The following ZNF385B variants were observed in gnomAD, a reference collection of about 807,000 sequenced individuals.
The protein encoded by ZNF385B is zinc finger protein 385B.
ZNF385B carries 23 observed loss-of-function variants against 39.2 expected under a neutral mutation model. The ratio of observed to expected loss-of-function variants is 0.59; its 90% CI spans 0.42 to 0.83. ZNF385B has a LOEUF of 0.83. Among genes scored for constraint, ZNF385B ranks in the 40% least tolerant of loss-of-function variants. The pLI, the probability that ZNF385B is intolerant of heterozygous loss-of-function variation, is 0.00. For missense variants in ZNF385B, 552 were observed against 598.9 expected, an observed-to-expected ratio of 0.92 and a Z score of 0.82; for synonymous variants, 205 against 222.6, an observed-to-expected ratio of 0.92 and a Z score of 0.70.
At chr2:179,577,568 T>C (rs1284842376) in intron 3 of ZNF385B, among the ~76,000 whole-genome samples, 6 of 152,234 alleles carry the variant, frequency 3.9e-5, no homozygotes, top group Non-Finnish European at 7.4e-5. Context: ...TAAGTGGACC[T>C]ATGCTCCTTT....
intron 1 of ZNF385B, among the ~76,000 whole-genome samples, chr2:179,791,566 C>T (rs1291180791): frequency 2.0e-5 from 3 of 152,114 alleles, no homozygotes; most frequent in African/African-American, 4.8e-5. Flanking sequence ...GCTAGTGAGG[C>T]AGGTGAGGCG....
chr2:179,631,406 T>C (rs1410148465), intron 3 of ZNF385B, among the ~76,000 whole-genome samples: 1 of 152,176 alleles, frequency 6.6e-6, no homozygotes, highest in African/African-American at 2.4e-5. Flanking sequence ...CAGAATTTCA[T>C]ATCCAGCCAA....
chr2:179,783,057 G>A (rs916370509), intron 1 of ZNF385B, among the ~76,000 whole-genome samples: 1 of 152,138 alleles, frequency 6.6e-6, no homozygotes, highest in African/African-American at 2.4e-5. Flanking sequence ...AAAGCTGGAA[G>A]CATCACATTA....
At chr2:179,459,218 G>A (rs904188868) in intron 6 of ZNF385B, among the ~76,000 whole-genome samples, 1 of 152,048 alleles carries the variant, frequency 6.6e-6, no homozygotes, top group Non-Finnish European at 1.5e-5. Context: ...TTTTGTTTTT[G>A]ATAATGTATG....
chr2:179,630,079 G>T (rs904519413), intron 3 of ZNF385B, among the ~76,000 whole-genome samples: 1 of 152,372 alleles, frequency 6.6e-6, no homozygotes, highest in East Asian at 1.9e-4. Context: ...CTGCCTCTGC[G>T]GGCAGGGCAT....
In ZNF385B at chr2:179,861,200, C is replaced by A. The variant is rs1685037151; in HGVS notation, c.-254G>T. 6.6e-6 allele frequency: 1 copy of A among 152,608 alleles called. No homozygotes were observed. Among genetic ancestry groups the A allele is most frequent in the South Asian group, 1.9e-4 (1 of 5,252 alleles). The allele number at this position is 152,608 out of a possible 1,614,324, so 9.5% of individuals were successfully genotyped here. On this transcript the variant is annotated 5_prime_UTR_variant, in exon 1 of 10. Coordinates refer to ENST00000410066, the MANE Select transcript of ZNF385B (RefSeq NM_152520.6). ...TGCTGCGGTCCCGCCAGGGCTGCAC[C>A]GGGGCTTCGCGCAGACGTTCTCCCG...
intron 1 of ZNF385B, among the ~76,000 whole-genome samples, chr2:179,831,743 C>A (rs1298598488): frequency 6.6e-6 from 1 of 152,064 alleles, no homozygotes; most frequent in African/African-American, 2.4e-5. Flanking sequence ...GGTATTTGGG[C>A]AAAGGGTCCA....
At position 179,810,877 on chromosome 2, in the gene ZNF385B, C is replaced by T. The variant is rs141474958; in HGVS notation, c.-154-40205G>A. Among the ~76,000 whole-genome samples the T allele has an allele frequency of 7.1e-3, 1,084 of 152,148 alleles. 5 individuals carry two copies. The highest frequency in any genetic ancestry group is 0.011 in the Non-Finnish European group (741 of 67,914). ...TATAAGAAGTCAAACTGTCCCTCCT[C>T]ACTGAAGATATGATTTTATACCTAG... is the stretch of plus-strand genomic sequence containing the variant. On this transcript the variant is annotated intron_variant, in intron 1 of 9. Transcript: ENST00000410066.
chr2:179,853,546 T>G (rs1384255609), intron 1 of ZNF385B, among the ~76,000 whole-genome samples: 1 of 152,176 alleles, frequency 6.6e-6, no homozygotes, highest in African/African-American at 2.4e-5. Context: ...GAAAGGCAGA[T>G]GAGAAAACAG....
chr2:179,717,225 A>C (rs1455110405), intron 3 of ZNF385B, among the ~76,000 whole-genome samples: 2 of 152,260 alleles, frequency 1.3e-5, no homozygotes, highest in Admixed American at 1.3e-4. Context: ...TTCTCATAGC[A>C]AGAAAGTTTC....
intron 3 of ZNF385B, among the ~76,000 whole-genome samples, chr2:179,638,425 C>T (rs557708951): frequency 5.9e-5 from 9 of 152,158 alleles, no homozygotes; most frequent in South Asian, 4.2e-4. Flanking sequence ...GTAGCAGTCC[C>T]GGTGTAGCAA....
intron 3 of ZNF385B, among the ~76,000 whole-genome samples, chr2:179,626,976 T>C (rs1690716912): frequency 6.6e-6 from 1 of 152,190 alleles, no homozygotes; most frequent in Admixed American, 6.5e-5. Flanking sequence ...TTAGGAAAGT[T>C]ATAATCTTTT....
intron 3 of ZNF385B, among the ~76,000 whole-genome samples, chr2:179,621,200 G>C (rs1290977948): frequency 6.6e-6 from 1 of 152,058 alleles, no homozygotes; most frequent in Non-Finnish European, 1.5e-5. Context: ...AGGAAATCTA[G>C]CAAGTTAAAA....
intron 3 of ZNF385B, among the ~76,000 whole-genome samples, chr2:179,703,439 T>C (rs1408004676): frequency 6.6e-6 from 1 of 152,200 alleles, no homozygotes; most frequent in East Asian, 1.9e-4. Context: ...TACTCACCAC[T>C]CTTTAACATA....
At chr2:179,647,749 TCA>T (rs916053608) in intron 3 of ZNF385B, among the ~76,000 whole-genome samples, 22 of 152,324 alleles carry the variant, frequency 1.4e-4, no homozygotes, top group Admixed American at 9.8e-4. Flanking sequence ...CTGATTACTC[TCA>T]CTGTGGGGAG....
At chr2:179,537,227 GGGA>G (rs2059621349) in intron 4 of ZNF385B, among the ~76,000 whole-genome samples, 1 of 151,036 alleles carries the variant, frequency 6.6e-6, no homozygotes, top group South Asian at 2.1e-4. Context: ...GCTTGAACCT[GGGA>G]GGTGGAGGTT....
chr2:179,459,401 T>C (rs970918110), intron 6 of ZNF385B, among the ~76,000 whole-genome samples: 1 of 152,182 alleles, frequency 6.6e-6, no homozygotes, highest in Non-Finnish European at 1.5e-5. Flanking sequence ...ATGAAATTAA[T>C]ATCATTTCAC....
intron 3 of ZNF385B, among the ~76,000 whole-genome samples, chr2:179,752,180 T>C (rs557034831): frequency 2.2e-4 from 33 of 152,046 alleles, no homozygotes; most frequent in African/African-American, 7.7e-4. Context: ...TGAGAACACG[T>C]GGTGTTTGCT....
At chr2:179,797,683 A>G (rs940633869) in intron 1 of ZNF385B, among the ~76,000 whole-genome samples, 1 of 152,186 alleles carries the variant, frequency 6.6e-6, no homozygotes, top group Non-Finnish European at 1.5e-5. Flanking sequence ...TCCCTATGGT[A>G]TATTTTAATG....
Sources: allele counts gnomAD v4.1 joint callset (sites outside exome capture counted in the v4.1 genomes callset), GRCh38; gene constraint gnomAD v4.1.1; transcripts MANE v1.5; gene names NCBI Gene and HGNC (gene_info 2026-07-23, HGNC 2026-07-21).